ALDH6A1: variants seen among roughly 807,000 people sequenced by gnomAD.
ALDH6A1 encodes aldehyde dehydrogenase 6 family member A1, also known as methylmalonate-semialdehyde/malonate-semialdehyde dehydrogenase [acylating], mitochondrial.
A neutral mutation model predicts 62.6 loss-of-function variants in ALDH6A1; 43 were observed. That is an observed-to-expected ratio of 0.69 (90% CI 0.54 to 0.89). ALDH6A1 has a LOEUF of 0.89. Among genes scored for constraint, ALDH6A1 ranks in the 40% least tolerant of loss-of-function variants. ALDH6A1 has a pLI of 0.00. For synonymous variants in ALDH6A1, 194 were observed against 234.2 expected, an observed-to-expected ratio of 0.83 and a Z score of 1.57; for missense variants, 551 against 661.3, an observed-to-expected ratio of 0.83 and a Z score of 1.83.
chr14:74,066,317 GA>G (rs1171012650), intron 9 of ALDH6A1, among the ~76,000 whole-genome samples: 9 of 151,758 alleles, frequency 5.9e-5, no homozygotes, highest in African/African-American at 9.7e-5. Context: ...TTAAATGGTT[GA>G]AAAAAAATTA....
At chr14:74,069,857 T>TTG (rs1463537281) in intron 6 of ALDH6A1, among the ~76,000 whole-genome samples, 15 of 149,758 alleles carry the variant, frequency 1.0e-4, no homozygotes, top group African/African-American at 3.7e-4. Flanking sequence ...AACCTTTTTT[T>TTG]TTTTTTTTTT....
intron 1 of ALDH6A1, 56 bp from the exon 2 acceptor site, chr14:74,075,073 T>G: frequency 6.5e-7 from 1 of 1,545,988 alleles, no homozygotes; most frequent in Non-Finnish European, 8.9e-7. Flanking sequence ...TTATTTAAAA[T>G]TTAGCAAATA....
At chr14:74,064,726 G>A (rs1270632025) in intron 11 of ALDH6A1, 96 bp downstream of exon 11, 3 of 1,613,254 alleles carry the variant, frequency 1.9e-6, no homozygotes, top group African/African-American at 1.3e-5. Flanking sequence ...CCTCACAGAT[G>A]CTGCTGGCAG....
intron 11 of ALDH6A1, among the ~76,000 whole-genome samples, chr14:74,064,142 C>A (rs1249939149): frequency 6.7e-6 from 1 of 150,362 alleles, no homozygotes; most frequent in Non-Finnish European, 1.5e-5. Context: ...TACTAAAAAA[C>A]AAAAAATTAT....
At position 74,075,152 on chromosome 14, in the gene ALDH6A1, G is replaced by A. The variant is rs576505549; in HGVS notation, c.49-135C>T. On this transcript the variant is annotated intron_variant, in intron 1 of 11. Coordinates refer to ENST00000553458, the MANE Select transcript of ALDH6A1 (RefSeq NM_005589.4). ...TCTCAAAGGCCATACAGTCATTAAAGAGAAAAGATATGAATCTATGACACA... is the reference window on the plus strand; with the variant it reads ...TCTCAAAGGCCATACAGTCATTAAAAAGAAAAGATATGAATCTATGACACA... The A allele has an allele frequency of 1.3e-4, 98 of 750,690 alleles. 2 individuals are homozygous for A. In the African/African-American group the frequency reaches 1.3e-3, roughly 10 times the overall value. 46.5% of individuals were successfully genotyped at this position (750,690 alleles called of 1,614,324 possible). A position where few individuals can be genotyped will look rare whatever the true frequency, so the allele number is the denominator to read the frequency against.
At chr14:74,060,804 T>A in intron 11 of ALDH6A1, 58 bp from the exon 12 acceptor site, 2 of 1,270,000 alleles carry the variant, frequency 1.6e-6, no homozygotes, top group Non-Finnish European at 2.3e-6. Context: ...ATTCTTCTTT[T>A]AATTAGCTTT....
intron 10 of ALDH6A1, 124 bp downstream of exon 10, chr14:74,065,057 A>G (rs1326738478): frequency 2.9e-6 from 4 of 1,402,062 alleles, no homozygotes; most frequent in Non-Finnish European, 4.0e-6. Flanking sequence ...TTCCTGAGGA[A>G]GAAATGGGGC....
In ALDH6A1 at chr14:74,065,218, G is replaced by A. The variant is rs1450028746; in HGVS notation, c.1367C>T (p.Thr456Ile). ...CACCAAGTGGGCATATTTCCGAGCA[G>A]TGGCTCCATTGGTGGTGAAGATGGC... ...GTAIFTTNGA[T>I]ARKYAHLVDV... Residue 456 changes from threonine (T) to isoleucine (I), a missense_variant, in exon 10 of 12, where the codon ACT becomes ATT. Coordinates refer to ENST00000553458, the MANE Select transcript of ALDH6A1 (RefSeq NM_005589.4). 6 of 1,614,046 alleles carry A rather than the reference G, an allele frequency of 3.7e-6. No homozygotes were observed. Among genetic ancestry groups the A allele is most frequent in the Non-Finnish European group, 5.1e-6 (6 of 1,180,030 alleles).
intron 3 of ALDH6A1, 55 bp downstream of exon 3, chr14:74,072,482 C>T (rs2060563670): frequency 2.5e-6 from 4 of 1,613,204 alleles, no homozygotes; most frequent in Admixed American, 3.3e-5. Flanking sequence ...TCTTGCCCAT[C>T]ATGTCCCTAG....
intron 2 of ALDH6A1, 30 bp downstream of exon 2, chr14:74,074,925 G>A: frequency 6.2e-7 from 1 of 1,606,172 alleles, no homozygotes; most frequent in Non-Finnish European, 8.5e-7. Flanking sequence ...TTCCTTCTCA[G>A]AAGTCAACCT....
At position 74,074,479 on chromosome 14, in the gene ALDH6A1, G is replaced by A. The variant is rs765721; in HGVS notation, c.111+476C>T. Among the ~76,000 whole-genome samples the A allele has an allele frequency of 3.0e-3, 447 of 149,354 alleles. 3 individuals are homozygous for A. Among genetic ancestry groups the A allele is most frequent in the Middle Eastern group, 0.015 (4 of 274 alleles). On this transcript the variant is annotated intron_variant, in intron 2 of 11. Coordinates refer to ENST00000553458, the MANE Select transcript of ALDH6A1 (RefSeq NM_005589.4). ...GTTTTGTATTTTTAGTAGAGATGTG[G>A]TTTCCCCATGTTGGCCAGGATGGTC...
At chr14:74,062,355 A>C (rs2060365265) in intron 11 of ALDH6A1, among the ~76,000 whole-genome samples, 1 of 152,120 alleles carries the variant, frequency 6.6e-6, no homozygotes, top group Non-Finnish European at 1.5e-5. Context: ...TAATCCCAGC[A>C]CTTTGGGAGG....
chr14:74,063,677 C>A (rs904522095), intron 11 of ALDH6A1, among the ~76,000 whole-genome samples: 2 of 151,100 alleles, frequency 1.3e-5, no homozygotes, highest in African/African-American at 4.9e-5. Flanking sequence ...ACCAGCCTGG[C>A]CAAAATGGTG....
intron 9 of ALDH6A1, among the ~76,000 whole-genome samples, chr14:74,066,311 A>G (rs1156589559): frequency 6.6e-6 from 1 of 152,210 alleles, no homozygotes; most frequent in Non-Finnish European, 1.5e-5. Context: ...GCATTTTTAA[A>G]TGGTTGAAAA....
intron 1 of ALDH6A1, among the ~76,000 whole-genome samples, chr14:74,079,862 T>C (rs965930327): frequency 3.3e-5 from 5 of 152,036 alleles, no homozygotes; most frequent in Admixed American, 6.6e-5. Flanking sequence ...AGCCACGACA[T>C]GTGACCTCTA....
Position 74,057,743 on chromosome 14 carries a change from C to A in ALDH6A1, c.*2899G>T. 1 of 1,159,178 alleles carries A rather than the reference C, an allele frequency of 8.6e-7. No homozygotes were observed. The allele number at this position is 1,159,178 out of a possible 1,614,324, so 71.8% of individuals were successfully genotyped here. ...AGAATCTGAGAAATTTCAAATGAAGCCACATTAGAACAAAAAGAAAATACT... is the reference window on the plus strand; with the variant it reads ...AGAATCTGAGAAATTTCAAATGAAGACACATTAGAACAAAAAGAAAATACT... On this transcript the variant is annotated 3_prime_UTR_variant, in exon 12 of 12. Transcript: ENST00000553458.
At chr14:74,084,213 G>T in intron 1 of ALDH6A1, 134 bp downstream of exon 1, 1 of 1,335,040 alleles carries the variant, frequency 7.5e-7, no homozygotes, top group Non-Finnish European at 1.1e-6. Flanking sequence ...GGACAGGGCC[G>T]CACAGGTCGG....
At chr14:74,062,640 T>C (rs1014767390) in intron 11 of ALDH6A1, among the ~76,000 whole-genome samples, 1 of 152,036 alleles carries the variant, frequency 6.6e-6, no homozygotes, top group African/African-American at 2.4e-5. Flanking sequence ...GTGACTAATA[T>C]ACAAACTATA....
intron 1 of ALDH6A1, among the ~76,000 whole-genome samples, chr14:74,076,607 GCT>G (rs1197459979): frequency 6.6e-6 from 1 of 152,120 alleles, no homozygotes; most frequent in Admixed American, 6.6e-5. Flanking sequence ...CATGACCTTG[GCT>G]CACTGCAACC....
Sources: allele counts gnomAD v4.1 joint callset (sites outside exome capture counted in the v4.1 genomes callset), GRCh38; gene constraint gnomAD v4.1.1; transcripts MANE v1.5; gene names NCBI Gene and HGNC (gene_info 2026-07-23, HGNC 2026-07-21).